Variants in JAK2 observed in about 807,000 individuals in gnomAD.
JAK2 encodes tyrosine-protein kinase JAK2.
A neutral mutation model predicts 139.3 loss-of-function variants in JAK2; 86 were observed. The observed-to-expected ratio is 0.62, with a 90% CI of 0.52 to 0.74. The LOEUF (loss-of-function observed/expected upper bound fraction) is 0.74, where lower values mean the gene tolerates loss of function less well. Among genes scored for constraint, JAK2 ranks in the 30% least tolerant of loss-of-function variants. JAK2 has a pLI of 0.00. For missense variants in JAK2, 1,421 were observed against 1,360.3 expected (o/e 1.04, Z -0.70); for synonymous variants, 490 against 437.7 (o/e 1.12, Z -1.49).
chr9:5,022,252 G>T (rs1276420041), intron 3 of JAK2, 39 bp downstream of exon 3: 3 of 1,414,142 alleles, frequency 2.1e-6, no homozygotes, highest in Non-Finnish European at 3.0e-6. Flanking sequence ...TTTATGCATG[G>T]ATTGTTTTAA....
In JAK2 at chr9:4,998,106, C is replaced by T. The variant is rs545217696; in HGVS notation, c.-26+12084C>T. The stretch of plus-strand genomic sequence containing the variant: ...GCAGAGGGTAGTTTTAAATATTTCA[C>T]GAGCAGAATTAATTAAATTTCCTGT... On this transcript the variant is annotated intron_variant, in intron 2 of 24. Coordinates refer to ENST00000381652, the MANE Select transcript of JAK2 (RefSeq NM_004972.4). Among the ~76,000 whole-genome samples, 20 of 152,110 alleles carry T rather than the reference C, an allele frequency of 1.3e-4. No homozygotes were observed. In the South Asian group the frequency reaches 1.7e-3, roughly 13 times the overall value.
chr9:5,045,230 C>T (rs1434732084), intron 5 of JAK2, among the ~76,000 whole-genome samples: 1 of 151,884 alleles, frequency 6.6e-6, no homozygotes, highest in South Asian at 2.1e-4. Flanking sequence ...ACTTGGTATC[C>T]CCAAGGTATC....
chr9:5,118,663 A>G (rs1823385121), intron 22 of JAK2, among the ~76,000 whole-genome samples: 1 of 152,172 alleles, frequency 6.6e-6, no homozygotes, highest in Non-Finnish European at 1.5e-5. Flanking sequence ...ACAGATGTAA[A>G]CGCTGAGAAA....
chr9:5,007,875 G>C (rs1333839744), intron 2 of JAK2, among the ~76,000 whole-genome samples: 2 of 151,902 alleles, frequency 1.3e-5, no homozygotes, highest in African/African-American at 4.8e-5. Flanking sequence ...TTACAGGCAC[G>C]TGCCACCACG....
chr9:4,998,251 A>G (rs933728782), intron 2 of JAK2, among the ~76,000 whole-genome samples: 5 of 151,992 alleles, frequency 3.3e-5, no homozygotes, highest in African/African-American at 7.2e-5. Flanking sequence ...AAAAACTCCA[A>G]CGGGTTTTTT....
chr9:5,117,117 C>T (rs1187448144), intron 22 of JAK2, among the ~76,000 whole-genome samples: 1 of 152,192 alleles, frequency 6.6e-6, no homozygotes, highest in Non-Finnish European at 1.5e-5. Context: ...AACAAGGCTC[C>T]CCTTGGAAGC....
chr9:5,047,320 G>A (rs1256050869), intron 5 of JAK2, among the ~76,000 whole-genome samples: 3 of 152,126 alleles, frequency 2.0e-5, no homozygotes, highest in African/African-American at 7.2e-5. Flanking sequence ...TGTCTTTAAA[G>A]TTCTTAAGAC....
intron 2 of JAK2, among the ~76,000 whole-genome samples, chr9:5,014,671 G>T (rs1021486104): frequency 1.3e-5 from 2 of 152,102 alleles, no homozygotes; most frequent in African/African-American, 2.4e-5. Flanking sequence ...TTATTGACTG[G>T]TACACTTAAG....
At chr9:5,008,195 G>C (rs1428262186) in intron 2 of JAK2, among the ~76,000 whole-genome samples, 2 of 152,066 alleles carry the variant, frequency 1.3e-5, no homozygotes, top group East Asian at 3.8e-4. Flanking sequence ...TCAATATTAT[G>C]GGTCCCAAAT....
In JAK2 at chr9:5,078,315, A is replaced by G. The variant is rs2130589768; in HGVS notation, c.2002A>G (p.Thr668Ala). The G allele has an allele frequency of 6.2e-7, 1 of 1,611,420 alleles. No homozygotes were observed. The highest frequency in any genetic ancestry group is 8.5e-7 in the Non-Finnish European group (1 of 1,178,276). Residue 668 changes from threonine (T) to alanine (A), a missense_variant, in exon 16 of 25, where the codon ACC becomes GCC. Coordinates refer to ENST00000381652, the MANE Select transcript of JAK2 (RefSeq NM_004972.4). ...CGTTTAACTCTAATAGGAAGAAAAC[A>G]CCCTTATTCATGGGAATGTATGTGC... ...AWAMHFLEEN[T>A]LIHGNVCAKN...
At chr9:5,085,760 A>G (rs1820044375) in intron 19 of JAK2, 1 of 754,564 alleles carries the variant, frequency 1.3e-6, no homozygotes, top group African/African-American at 1.7e-5. Flanking sequence ...TAGCTTGCAC[A>G]TGTCGGGAGT....
intron 2 of JAK2, among the ~76,000 whole-genome samples, chr9:5,021,708 C>A (rs1439987081): frequency 6.6e-6 from 1 of 152,124 alleles, no homozygotes; most frequent in Non-Finnish European, 1.5e-5. Flanking sequence ...TTGCTGCAGC[C>A]TCATCCTCCC....
At chr9:5,112,505 A>T in intron 22 of JAK2, 1 of 565,050 alleles carries the variant, frequency 1.8e-6, no homozygotes, top group Non-Finnish European at 3.2e-6. Flanking sequence ...GAGGAAGATG[A>T]CCTTTTCCCC....
At chr9:5,010,355 G>A (rs1225087038) in intron 2 of JAK2, among the ~76,000 whole-genome samples, 2 of 147,912 alleles carry the variant, frequency 1.4e-5, no homozygotes, top group Admixed American at 6.7e-5. Context: ...ACGGAGTCTC[G>A]CTCTGTCGCC....
intron 4 of JAK2, among the ~76,000 whole-genome samples, chr9:5,040,447 TAA>T (rs1395604791): frequency 2.7e-5 from 4 of 150,836 alleles, no homozygotes; most frequent in Non-Finnish European, 2.9e-5. Flanking sequence ...GAAAAATAGT[TAA>T]GTTAGGCTTT....
intron 23 of JAK2, among the ~76,000 whole-genome samples, chr9:5,124,086 T>C (rs1294497313): frequency 6.6e-6 from 1 of 151,780 alleles, no homozygotes; most frequent in African/African-American, 2.4e-5. Flanking sequence ...ATTGCTTGAG[T>C]TCCTTATAAA....
rs577386451 is a variant in JAK2, at chr9:5,037,546, T to C, written c.351-6857T>C. On this transcript the variant is annotated intron_variant, in intron 4 of 24. Transcript: ENST00000381652. ...GCAGCCATGAAAAATGATGAGTTCA[T>C]GTCCTTTGTAGGGACATGGATGAAG... 2.6e-5 allele frequency among the ~76,000 whole-genome samples: 4 copies of C among 152,292 alleles called. No individual in the cohort carries two copies. In the South Asian group the frequency reaches 8.3e-4, roughly 32 times the overall value.
intron 2 of JAK2, among the ~76,000 whole-genome samples, chr9:5,013,989 C>T (rs1181424654): frequency 1.3e-5 from 2 of 152,008 alleles, no homozygotes; most frequent in African/African-American, 4.8e-5. Context: ...TTCTAATCTA[C>T]TGCATTACTT....
intron 22 of JAK2, chr9:5,114,348 G>T (rs1006336749): frequency 7.5e-6 from 4 of 536,578 alleles, no homozygotes; most frequent in Non-Finnish European, 1.5e-5. Flanking sequence ...CCTAAGGCAA[G>T]AGAAGCAGTG....
Sources: gnomAD v4.1 joint callset for allele counts (sites outside exome capture counted in the v4.1 genomes callset) on GRCh38, gnomAD v4.1.1 for gene constraint, MANE v1.5 for transcripts, NCBI Gene and HGNC (gene_info 2026-07-23, HGNC 2026-07-21) for gene names.